The following KLHL22 variants were observed in gnomAD, a reference collection of about 807,000 sequenced individuals.
The protein encoded by KLHL22 is kelch like family member 22.
In KLHL22, 18 loss-of-function variants were observed where a neutral mutation model predicts 60.7. The observed-to-expected ratio is 0.30, with a 90% CI of 0.20 to 0.44. The LOEUF is 0.44. KLHL22 is among the 20% of genes least tolerant of loss of function. The probability of loss-of-function intolerance (pLI) is 1.00; values close to 1 mark genes in which losing one functional copy is unlikely to be tolerated. For missense variants in KLHL22, 596 were observed against 852.3 expected (o/e 0.70, Z 3.74); for synonymous variants, 355 against 354.5 (o/e 1.00, Z -0.01).
intron 5 of KLHL22, chr22:20,450,995 A>G: frequency 6.4e-7 from 1 of 1,557,940 alleles, no homozygotes; most frequent in South Asian, 1.1e-5. Flanking sequence ...GGAAGCCAGC[A>G]GTCTCCCATC....
intron 2 of KLHL22, chr22:20,482,853 C>A: frequency 1.6e-6 from 2 of 1,264,058 alleles, no homozygotes; most frequent in South Asian, 2.4e-5. Context: ...GTCTCAGACA[C>A]CACTTTGCCA....
intron 6 of KLHL22, among the ~76,000 whole-genome samples, chr22:20,444,779 T>G (rs374300199): frequency 1.8e-4 from 28 of 151,368 alleles, no homozygotes; most frequent in Non-Finnish European, 3.2e-4. Flanking sequence ...GGATGCTCTT[T>G]TTTGTTTGTT....
intron 2 of KLHL22, among the ~76,000 whole-genome samples, chr22:20,478,199 A>T (rs1372072693): frequency 6.6e-6 from 1 of 150,520 alleles, no homozygotes; most frequent in Non-Finnish European, 1.5e-5. Context: ...AATTTTACCA[A>T]ATTTAATTTT....
chr22:20,479,544 A>G (rs1454845585), intron 2 of KLHL22, among the ~76,000 whole-genome samples: 2 of 151,614 alleles, frequency 1.3e-5, no homozygotes, highest in Non-Finnish European at 2.9e-5. Flanking sequence ...TCTACAAATA[A>G]TTTTTTTAAA....
rs1011623321 is a variant in KLHL22 at position 20,450,466 on chromosome 22, G to C, written c.1306-3790C>G. 1.2e-5 allele frequency: 19 copies of C among 1,610,392 alleles called. No individual in the cohort carries two copies. The African/African-American group carries it at 2.5e-4, about 22-fold the overall frequency. ...TGCAGCCTGTCTGCTTCAGTTGAAAGGTGTGAAACAAGCCTGCTGTGAGTT... is the reference window on the plus strand; with the variant it reads ...TGCAGCCTGTCTGCTTCAGTTGAAACGTGTGAAACAAGCCTGCTGTGAGTT... On this transcript the variant is annotated intron_variant, in intron 5 of 6. Transcript: ENST00000328879.
chr22:20,474,527 G>T (rs1450834937), intron 2 of KLHL22, among the ~76,000 whole-genome samples: 1 of 152,150 alleles, frequency 6.6e-6, no homozygotes, highest in Non-Finnish European at 1.5e-5. Flanking sequence ...GGGTAGCTGG[G>T]ATTACAGTCC....
At chr22:20,475,473 C>T (rs1355611477) in intron 2 of KLHL22, among the ~76,000 whole-genome samples, 1 of 151,972 alleles carries the variant, frequency 6.6e-6, no homozygotes, top group Non-Finnish European at 1.5e-5. Flanking sequence ...ACTGTTGATC[C>T]ACCTGTAATT....
Position 20,442,092 on chromosome 22 carries a change from T to C in KLHL22, c.1886A>G (p.Asp629Gly), listed in dbSNP as rs1353064383. The stretch of plus-strand genomic sequence containing the variant: ...GGGAGCCTAGTCCTCACTGGAGTTG[T>C]CAAACTCCTCCCAGTCAGACACACT... ...VMSVSDWEEF[D>G]NSSED is the part of the protein sequence containing the mutation. The change falls in exon 7 of 7, where the codon GAC becomes GGC. Residue 629 changes from aspartate to glycine, a missense_variant. Asp to Gly is a moderately conservative substitution (Grantham distance 94). Transcript: ENST00000328879. 4 of 1,506,948 alleles carry C rather than the reference T, an allele frequency of 2.7e-6. No homozygotes were observed. The African/African-American group carries it at 5.6e-5, about 21-fold the overall frequency. The allele number at this position is 1,506,948 out of a possible 1,614,324, so 93.3% of individuals were successfully genotyped here.
intron 2 of KLHL22, chr22:20,483,323 T>C (rs1468323090): frequency 2.8e-6 from 2 of 725,006 alleles, no homozygotes; most frequent in East Asian, 5.2e-5. Context: ...TGTCGTTTCT[T>C]CCGAGCCAGC....
At chr22:20,464,062 G>A (rs372679096) in intron 4 of KLHL22, among the ~76,000 whole-genome samples, 1 of 152,190 alleles carries the variant, frequency 6.6e-6, no homozygotes, top group East Asian at 1.9e-4. Flanking sequence ...CCAAGGTAAG[G>A]TGGAGGGGTC....
chr22:20,476,830 T>A (rs2053423263), intron 2 of KLHL22, among the ~76,000 whole-genome samples: 1 of 151,088 alleles, frequency 6.6e-6, no homozygotes, highest in Non-Finnish European at 1.5e-5. Context: ...TGCCTCAGCC[T>A]CCCAAGTAGC....
chr22:20,494,091 A>AC (rs2053733007), intron 1 of KLHL22, among the ~76,000 whole-genome samples: 3 of 102,542 alleles, frequency 2.9e-5, no homozygotes, highest in South Asian at 3.5e-4. Flanking sequence ...CCCCAAAAAA[A>AC]AAAGTGCAAA....
At chr22:20,469,616 AG>A (rs1449035865) in intron 3 of KLHL22, among the ~76,000 whole-genome samples, 1 of 152,122 alleles carries the variant, frequency 6.6e-6, no homozygotes, top group Non-Finnish European at 1.5e-5. Flanking sequence ...CTCACCATGC[AG>A]GTATGGTGAG....
intron 3 of KLHL22, among the ~76,000 whole-genome samples, chr22:20,469,778 G>GTT (rs362145): frequency 0.031 from 4,680 of 149,902 alleles, 115 homozygotes; most frequent in Non-Finnish European, 0.046. Context: ...GACTTGAGTT[G>GTT]TTTTTTTTTA....
rs2053723096 is a variant in KLHL22 at position 20,493,536 on chromosome 22, C to G, written c.-34+2224G>C. Reference sequence around the variant, plus strand: ...GTGGCTCACGCCTGTAATCCCAACACTTCGGGAGGCTGAGGCGGATGAATC... The same window carrying G: ...GTGGCTCACGCCTGTAATCCCAACAGTTCGGGAGGCTGAGGCGGATGAATC... On this transcript the variant is annotated intron_variant, in intron 1 of 6. Coordinates refer to ENST00000328879, the MANE Select transcript of KLHL22 (RefSeq NM_032775.4). Among the ~76,000 whole-genome samples, 4 of 152,226 alleles carry G rather than the reference C, an allele frequency of 2.6e-5. No homozygotes were observed. In the South Asian group the frequency reaches 8.3e-4, roughly 32 times the overall value.
chr22:20,486,067 C>T (rs1225386629), intron 2 of KLHL22, among the ~76,000 whole-genome samples: 3 of 145,474 alleles, frequency 2.1e-5, no homozygotes, highest in Non-Finnish European at 4.5e-5. Flanking sequence ...ACTCGAGAGG[C>T]TGAGGCAGGA....
chr22:20,448,359 T>C (rs2052913169), intron 5 of KLHL22, among the ~76,000 whole-genome samples: 2 of 152,232 alleles, frequency 1.3e-5, no homozygotes, highest in African/African-American at 4.8e-5. Context: ...TGAAAAAATC[T>C]GAAATCCAAA....
chr22:20,470,120 C>T (rs1023334861), intron 3 of KLHL22, among the ~76,000 whole-genome samples: 5 of 151,764 alleles, frequency 3.3e-5, no homozygotes, highest in Admixed American at 1.3e-4. Context: ...GGGAGTATCA[C>T]CTGAGGCCAG....
chr22:20,445,878 C>T (rs2052852124), intron 6 of KLHL22, among the ~76,000 whole-genome samples: 1 of 152,222 alleles, frequency 6.6e-6, no homozygotes, highest in African/African-American at 2.4e-5. Flanking sequence ...ATCCCCCAAC[C>T]TCAGCCTCCC....
Sources: allele counts gnomAD v4.1 joint callset (sites outside exome capture counted in the v4.1 genomes callset), GRCh38; gene constraint gnomAD v4.1.1; transcripts MANE v1.5; gene names NCBI Gene and HGNC (gene_info 2026-07-23, HGNC 2026-07-21).